KCTD3: variants seen among roughly 807,000 people sequenced by gnomAD.
KCTD3 encodes the protein potassium channel tetramerization domain containing 3.
KCTD3 carries 41 observed loss-of-function variants against 85.8 expected under a neutral mutation model. That is an observed-to-expected ratio of 0.48 (90% CI 0.37 to 0.62). The LOEUF (loss-of-function observed/expected upper bound fraction) is 0.62. Among genes scored for constraint, KCTD3 ranks in the 20% least tolerant of loss-of-function variants. KCTD3 has a pLI of 0.00. For synonymous variants in KCTD3, 338 were observed against 345.4 expected, an observed-to-expected ratio of 0.98 and a Z score of 0.24; for missense variants, 724 against 989.9, an observed-to-expected ratio of 0.73 and a Z score of 3.60.
chr1:215,580,301 G>A (rs1285982493), intron 8 of KCTD3, among the ~76,000 whole-genome samples: 1 of 152,146 alleles, frequency 6.6e-6, no homozygotes, highest in African/African-American at 2.4e-5. Context: ...TGAGACTGTA[G>A]TATATAATGA....
intron 9 of KCTD3, among the ~76,000 whole-genome samples, chr1:215,587,295 A>G (rs1371511581): frequency 1.3e-5 from 2 of 151,772 alleles, no homozygotes; most frequent in African/African-American, 4.8e-5. Context: ...ACGTCCAGCT[A>G]ATTTTTTTGT....
intron 13 of KCTD3, among the ~76,000 whole-genome samples, chr1:215,606,901 A>T (rs985886311): frequency 6.6e-6 from 1 of 151,978 alleles, no homozygotes; most frequent in Admixed American, 6.6e-5. Context: ...AATCAACTAA[A>T]AATATTTAAA....
At position 215,612,403 on chromosome 1, in the gene KCTD3, A is replaced by AT. The variant is rs369459873; in HGVS notation, c.1562+492dup. Among the ~76,000 whole-genome samples the AT allele has an allele frequency of 4.4e-4, 66 of 150,178 alleles. 1 individual carries two copies. The highest frequency in any genetic ancestry group is 8.5e-4 in the South Asian group (4 of 4,726). ...TGGCACAGCTTACAACATAGCACACATTTTTTTTTTCTATTTTAGACCTAT... is the reference window on the plus strand; with the variant it reads ...TGGCACAGCTTACAACATAGCACACATTTTTTTTTTTCTATTTTAGACCTAT... On this transcript the variant is annotated intron_variant, in intron 15 of 17. Transcript: ENST00000259154.
At position 215,594,892 on chromosome 1, in the gene KCTD3, T is replaced by C. The variant is rs560082874; in HGVS notation, c.818-464T>C. Among the ~76,000 whole-genome samples, 3 of 152,284 alleles carry C rather than the reference T, an allele frequency of 2.0e-5. No homozygotes were observed. The South Asian group carries it at 6.2e-4, about 32-fold the overall frequency. ...TTCCAGAATTTAGACACATTCTAGA[T>C]AGTTAAGGCTGCCAAGTCTGTGTGT... On this transcript the variant is annotated intron_variant, in intron 9 of 17. Coordinates refer to ENST00000259154, the MANE Select transcript of KCTD3 (RefSeq NM_016121.5).
intron 12 of KCTD3, 42 bp from the exon 13 acceptor site, chr1:215,604,090 C>G (rs757827427): frequency 6.9e-7 from 1 of 1,456,254 alleles, no homozygotes; most frequent in Admixed American, 2.3e-5. Flanking sequence ...TTTTTATTAT[C>G]GTTCCATAAT....
In KCTD3 at chr1:215,578,995, T is replaced by A. The variant is rs371972516; in HGVS notation, c.398-5T>A. 4.5e-6 allele frequency: 7 copies of A among 1,538,758 alleles called. No homozygotes were observed. In the South Asian group the frequency reaches 8.5e-5, roughly 19 times the overall value. On this transcript the variant is annotated splice_polypyrimidine_tract_variant and splice_region_variant and intron_variant, in intron 6 of 17. Coordinates refer to ENST00000259154, the MANE Select transcript of KCTD3 (RefSeq NM_016121.5). The stretch of plus-strand genomic sequence containing the variant: ...AATGTATTTGTTTTCTTCTTCTCTT[T>A]ATAGGTATTCCTAGTCGTAAAATAA...
chr1:215,618,322 C>T (rs527835365), intron 15 of KCTD3: 16 of 184,988 alleles, frequency 8.6e-5, no homozygotes, highest in Non-Finnish European at 1.8e-4. Context: ...CCTTTTTGTC[C>T]GGCCTACTAG....
Position 215,620,168 on chromosome 1 carries a change from C to G in KCTD3, c.1998C>G (p.His666Gln). Residue 666 changes from histidine to glutamine, a missense_variant, in exon 18 of 18, where the codon CAC becomes CAG. His to Gln is a conservative substitution (Grantham distance 24). Transcript: ENST00000259154. The part of the protein sequence containing the change: ...LARARRTESF[H>Q]SYRDFQTINL... ...GGGCAAGAAGGACTGAGAGCTTTCA[C>G]AGTTATAGGGACTTCCAGACTATTA... 5 of 1,613,772 alleles carry G rather than the reference C, an allele frequency of 3.1e-6. No individual in the cohort carries two copies. The highest frequency in any genetic ancestry group is 4.2e-6 in the Non-Finnish European group (5 of 1,179,776).
intron 10 of KCTD3, among the ~76,000 whole-genome samples, chr1:215,598,297 G>A (rs1398011287): frequency 6.6e-6 from 1 of 152,078 alleles, no homozygotes; most frequent in South Asian, 2.1e-4. Flanking sequence ...GTCTTGGAAT[G>A]GGAAAAGGAG....
At chr1:215,617,659 G>A (rs1655504749) in intron 15 of KCTD3, among the ~76,000 whole-genome samples, 1 of 151,648 alleles carries the variant, frequency 6.6e-6, no homozygotes, top group African/African-American at 2.4e-5. Context: ...CATGCAGCAA[G>A]CCAAAAGATT....
At chr1:215,611,748 A>T (rs757965414) in intron 14 of KCTD3, 77 bp from the exon 15 acceptor site, 13 of 901,224 alleles carry the variant, frequency 1.4e-5, no homozygotes, top group Non-Finnish European at 2.1e-5. Flanking sequence ...TCTTATATTA[A>T]TATTAATGTT....
rs761335988 is a variant in KCTD3 at position 215,620,151 on chromosome 1, A to C, written c.1981A>C (p.Arg661=). ...RESPLLARAR[R]TESFHSYRDF... The stretch of plus-strand genomic sequence containing the variant: ...AAGTCCTTTATTAGCAAGGGCAAGA[A>C]GGACTGAGAGCTTTCACAGTTATAG... Residue 661 remains arginine (R), a synonymous_variant, in exon 18 of 18, where the codon AGG becomes CGG. Transcript: ENST00000259154. 2.5e-6 allele frequency: 4 copies of C among 1,613,806 alleles called. No individual in the cohort carries two copies. In the Admixed American group the frequency reaches 6.7e-5, roughly 27 times the overall value.
At chr1:215,577,604 C>T (rs1280036358) in intron 4 of KCTD3, 66 bp from the exon 5 acceptor site, 7 of 1,028,870 alleles carry the variant, frequency 6.8e-6, no homozygotes, top group Admixed American at 1.8e-5. Context: ...GAATTTTTTC[C>T]TTTCATGTCA....
intron 9 of KCTD3, among the ~76,000 whole-genome samples, chr1:215,587,639 A>G (rs980607341): frequency 6.6e-6 from 1 of 152,228 alleles, no homozygotes; most frequent in Non-Finnish European, 1.5e-5. Flanking sequence ...TCTGCATTCA[A>G]TCTGCTGTGA....
intron 6 of KCTD3, among the ~76,000 whole-genome samples, chr1:215,578,715 C>G (rs1322012301): frequency 1.3e-5 from 2 of 152,142 alleles, no homozygotes; most frequent in African/African-American, 4.8e-5. Context: ...GAGTGGCTGG[C>G]AGACTGAATT....
chr1:215,587,697 A>G (rs1429990849), intron 9 of KCTD3, among the ~76,000 whole-genome samples: 2 of 152,176 alleles, frequency 1.3e-5, no homozygotes, highest in South Asian at 4.1e-4. Flanking sequence ...TCTTACACAG[A>G]TATGTAGTTG....
At chr1:215,595,224 C>T in intron 9 of KCTD3, 132 bp from the exon 10 acceptor site, 1 of 609,588 alleles carries the variant, frequency 1.6e-6, no homozygotes, top group Non-Finnish European at 2.9e-6. Flanking sequence ...TTCTAGTCCC[C>T]AACACGTATA....
At chr1:215,587,224 G>A (rs1474484076) in intron 9 of KCTD3, among the ~76,000 whole-genome samples, 1 of 151,562 alleles carries the variant, frequency 6.6e-6, no homozygotes, top group Admixed American at 6.6e-5. Flanking sequence ...CTGCCTCCTG[G>A]GCTCAAGCAA....
Position 215,608,167 on chromosome 1 carries a change from A to T in KCTD3, c.1460A>T (p.Asp487Val). 6.2e-7 allele frequency: 1 copy of T among 1,608,774 alleles called. No homozygotes were observed. The highest frequency in any genetic ancestry group is 1.1e-5 in the South Asian group (1 of 90,386). ...ESHGSYSSGN[D>V]IGPFGERDDQ... is the part of the protein sequence containing the mutation. The stretch of plus-strand genomic sequence containing the variant: ...CATGGTAGCTATTCCTCTGGAAATG[A>T]CATAGGTGGGTTAGGTTATTTTAGG... The change falls in exon 14 of 18, where the codon GAC (aspartate) becomes GTC (valine). Residue 487 changes from aspartate (D) to valine (V), a missense_variant. By Grantham distance (152) the Asp-to-Val change is radical. Transcript: ENST00000259154.
Sources: gnomAD v4.1 joint callset for allele counts (sites outside exome capture counted in the v4.1 genomes callset) on GRCh38, gnomAD v4.1.1 for gene constraint, MANE v1.5 for transcripts, NCBI Gene and HGNC (gene_info 2026-07-23, HGNC 2026-07-21) for gene names.